The following ZNF764 variants were observed in gnomAD, a reference collection of about 807,000 sequenced individuals.
ZNF764 encodes the protein zinc finger protein 764.
ZNF764 carries 10 observed loss-of-function variants against 13.9 expected under a neutral mutation model. That is an observed-to-expected ratio of 0.72 (90% confidence interval 0.44 to 1.22). The LOEUF (loss-of-function observed/expected upper bound fraction) is 1.22, where lower values mean the gene tolerates loss of function less well. Ranked by LOEUF, ZNF764 falls within the 50% of genes most tolerant of loss-of-function variation. The probability of loss-of-function intolerance (pLI) is 0.00; values close to 1 mark genes in which losing one functional copy is unlikely to be tolerated. For missense variants in ZNF764, 647 were observed against 589.7 expected (o/e 1.10, Z -1.01); for synonymous variants, 313 against 255.1 (o/e 1.23, Z -2.16).
Position 30,555,350 on chromosome 16 carries a change from G to T in ZNF764, c.1068C>A (p.Ala356=), listed in dbSNP as rs555129267. ...QCGRRFGQKS[A]VAKHQWVHRP... ...GATGAACCCACTGGTGTTTGGCCAC[G>T]GCTGACTTCTGGCCAAAGCGGCGGC... Residue 356 remains alanine, a synonymous_variant, in exon 3 of 3, where the codon GCC becomes GCA. Coordinates refer to ENST00000395091, the MANE Select transcript of ZNF764 (RefSeq NM_001172679.2). The T allele has an allele frequency of 4.4e-6, 7 of 1,605,976 alleles. No individual in the cohort carries two copies. In the South Asian group the frequency reaches 5.5e-5, roughly 13 times the overall value.
In ZNF764 at chr16:30,554,972, A is replaced by C; in HGVS notation, c.*222T>G. ...CCTTATGTAGGTCTGGGGGTTCTCA[A>C]CTCAGCCCTGCCTCAGTAGAGGGGG... On this transcript the variant is annotated 3_prime_UTR_variant, in exon 3 of 3. Transcript: ENST00000395091. The C allele has an allele frequency of 1.8e-6, 1 of 550,752 alleles. No individual in the cohort carries two copies. The highest frequency in any genetic ancestry group is 2.8e-5 in the South Asian group (1 of 35,714). 34.1% of individuals were successfully genotyped at this position (550,752 alleles called of 1,614,324 possible).
Position 30,555,038 on chromosome 16 carries a change from G to C in ZNF764, c.*156C>G, listed in dbSNP as rs2051535827. 1 of 856,172 alleles carries C rather than the reference G, an allele frequency of 1.2e-6. No individual in the cohort carries two copies. Among genetic ancestry groups the C allele is most frequent in the Non-Finnish European group, 1.7e-6 (1 of 574,666 alleles). 53.0% of individuals were successfully genotyped at this position (856,172 alleles called of 1,614,324 possible). On this transcript the variant is annotated 3_prime_UTR_variant, in exon 3 of 3. Transcript: ENST00000395091. ...GGCAGTGGGGAGCAAGGTGCTGGCA[G>C]AGGAGGCTGCTAAGGGCCCAAGATC... is the stretch of plus-strand genomic sequence containing the variant.
In ZNF764 at chr16:30,554,033, G is replaced by A. The variant is rs1435616684; in HGVS notation, c.*1161C>T. 6.6e-6 allele frequency: 1 copy of A among 152,212 alleles called. No individual in the cohort carries two copies. The highest frequency in any genetic ancestry group is 1.9e-4 in the East Asian group (1 of 5,194). The allele number at this position is 152,212 out of a possible 1,614,324, so 9.4% of individuals were successfully genotyped here. A position where few individuals can be genotyped will look rare whatever the true frequency, so the allele number is the denominator to read the frequency against. On this transcript the variant is annotated 3_prime_UTR_variant, in exon 3 of 3. Coordinates refer to ENST00000395091, the MANE Select transcript of ZNF764 (RefSeq NM_001172679.2). ...TGAATGGCACGTGGTGCTTGGTCAG[G>A]AGCCCACGGGAGTGGTGGGGATGGG...
intron 2 of ZNF764, 134 bp downstream of exon 2, chr16:30,557,599 C>G (rs1476968992): frequency 7.5e-7 from 1 of 1,333,728 alleles, no homozygotes; most frequent in Non-Finnish European, 1.0e-6. Flanking sequence ...CACGCAGGGG[C>G]TCAGCCTCGT....
Position 30,558,304 on chromosome 16 carries a change from G to A in ZNF764, c.-122C>T, listed in dbSNP as rs2051576531. 8.7e-7 allele frequency: 1 copy of A among 1,153,012 alleles called. No homozygotes were observed. Among genetic ancestry groups the A allele is most frequent in the Non-Finnish European group, 1.2e-6 (1 of 842,196 alleles). The allele number at this position is 1,153,012 out of a possible 1,614,324, so 71.4% of individuals were successfully genotyped here. On this transcript the variant is annotated 5_prime_UTR_variant, in exon 1 of 3. Coordinates refer to ENST00000395091, the MANE Select transcript of ZNF764 (RefSeq NM_001172679.2). ...CCCAAGGGAAGGAGGGAGGTTACTA[G>A]GGCCCCCGAGGGCGCACTAGAGGGC... is the stretch of plus-strand genomic sequence containing the variant.
In ZNF764 at chr16:30,558,317, C is replaced by T. The variant is rs774144290; in HGVS notation, c.-135G>A. 22 of 1,034,794 alleles carry T rather than the reference C, an allele frequency of 2.1e-5. No individual in the cohort carries two copies. In the African/African-American group the frequency reaches 3.6e-4, roughly 17 times the overall value. 64.1% of individuals were successfully genotyped at this position (1,034,794 alleles called of 1,614,324 possible). On this transcript the variant is annotated 5_prime_UTR_variant, in exon 1 of 3. Coordinates refer to ENST00000395091, the MANE Select transcript of ZNF764 (RefSeq NM_001172679.2). ...GGGAGGTTACTAGGGCCCCCGAGGG[C>T]GCACTAGAGGGCGTGGAAACTAACG...
Position 30,555,133 on chromosome 16 carries a change from T to A in ZNF764, c.*61A>T, listed in dbSNP as rs1211180023. ...ACCTCCCTGCAGGCCGCCGCAGAGG[T>A]TCGGGCCCCTGAGCCCATCTCGGGC... On this transcript the variant is annotated 3_prime_UTR_variant, in exon 3 of 3. Coordinates refer to ENST00000395091, the MANE Select transcript of ZNF764 (RefSeq NM_001172679.2). 12 of 1,527,826 alleles carry A rather than the reference T, an allele frequency of 7.9e-6. No homozygotes were observed. Among genetic ancestry groups the A allele is most frequent in the Non-Finnish European group, 9.7e-6 (11 of 1,137,514 alleles). 94.6% of individuals were successfully genotyped at this position (1,527,826 alleles called of 1,614,324 possible). A position where few individuals can be genotyped will look rare whatever the true frequency, so the allele number is the denominator to read the frequency against.
rs764736311 is a variant in ZNF764 at position 30,557,804 on chromosome 16, T to C, written c.239A>G (p.Glu80Gly). 3.7e-6 allele frequency: 6 copies of C among 1,612,522 alleles called. No homozygotes were observed. Among genetic ancestry groups the C allele is most frequent in the Admixed American group, 3.3e-5 (2 of 59,868 alleles). ...AGCCGGACCCCACAGTTCGGCCTCC[T>C]CCTCCACCCAGGAGATGAGAGCTGG... Reference protein sequence around the residue: ...NKPALISWVEEEAELWGPAAQ... With the variant: ...NKPALISWVEGEAELWGPAAQ... The change falls in exon 2 of 3, where the codon GAG (glutamate) becomes GGG (glycine). Residue 80 changes from glutamate to glycine, a missense_variant. Transcript: ENST00000395091.
rs1390276620 is a variant in ZNF764, at chr16:30,554,798, T to C, written c.*396A>G. The C allele has an allele frequency of 1.2e-5, 2 of 168,594 alleles. No homozygotes were observed. Among genetic ancestry groups the C allele is most frequent in the African/African-American group, 2.4e-5 (1 of 41,938 alleles). 10.4% of individuals were successfully genotyped at this position (168,594 alleles called of 1,614,324 possible). A position where few individuals can be genotyped will look rare whatever the true frequency, so the allele number is the denominator to read the frequency against. ...GCTGTCTCAGAAATAAATAAATAAA[T>C]AAATAAAAAGACAATGAGTATTGTG... is the stretch of plus-strand genomic sequence containing the variant. On this transcript the variant is annotated 3_prime_UTR_variant, in exon 3 of 3. Coordinates refer to ENST00000395091, the MANE Select transcript of ZNF764 (RefSeq NM_001172679.2).
intron 2 of ZNF764, among the ~76,000 whole-genome samples, chr16:30,556,911 C>T (rs1271051141): frequency 1.3e-5 from 2 of 151,966 alleles, no homozygotes; most frequent in South Asian, 2.1e-4. Context: ...CCGAGGCGGG[C>T]AGATCACAAA....
At chr16:30,557,542 G>A (rs2051566933) in intron 2 of ZNF764, among the ~76,000 whole-genome samples, 191 bp downstream of exon 2, 1 of 152,166 alleles carries the variant, frequency 6.6e-6, no homozygotes. Flanking sequence ...GGGTATGGCA[G>A]GGCCAGAGCC....
intron 2 of ZNF764, among the ~76,000 whole-genome samples, chr16:30,556,814 G>A (rs1195950447): frequency 4.6e-5 from 7 of 152,044 alleles, no homozygotes; most frequent in Non-Finnish European, 8.8e-5. Context: ...CAGCCTGGGC[G>A]ACATAGTGAA....
intron 2 of ZNF764, 34 bp from the exon 3 acceptor site, chr16:30,556,141 C>T (rs370974156): frequency 8.1e-6 from 13 of 1,606,264 alleles, no homozygotes; most frequent in African/African-American, 6.7e-5. Flanking sequence ...AGTTCAGGCT[C>T]GGCTCATCCT....
intron 2 of ZNF764, among the ~76,000 whole-genome samples, chr16:30,556,771 C>A (rs2051559654): frequency 6.6e-6 from 1 of 152,080 alleles, no homozygotes; most frequent in African/African-American, 2.4e-5. Context: ...AAGGCCGAAG[C>A]AGGCGAATCG....
chr16:30,557,247 A>T (rs2051564747), intron 2 of ZNF764, among the ~76,000 whole-genome samples: 2 of 152,022 alleles, frequency 1.3e-5, no homozygotes, highest in African/African-American at 4.8e-5. Context: ...GGGAGGTTGC[A>T]GTGAACTGAG....
intron 2 of ZNF764, among the ~76,000 whole-genome samples, chr16:30,557,518 G>T (rs1350429536): frequency 6.6e-6 from 1 of 152,208 alleles, no homozygotes; most frequent in East Asian, 1.9e-4. Context: ...ACGCAGAGGT[G>T]AGGACTCAGA....
Position 30,555,206 on chromosome 16 carries a change from C to T in ZNF764, c.1212G>A (p.Gln404=), listed in dbSNP as rs772020922. Residue 404 remains glutamine (Q), a synonymous_variant, in exon 3 of 3, where the codon CAG becomes CAA. Transcript: ENST00000395091. ...VGFQLYPEIF[Q]ECG Reference sequence around the variant, plus strand: ...ACTTTTAAGGCCGTCACCCACACTCCTGGAATATCTCCGGGTACAGCTGGA... The same window carrying T: ...ACTTTTAAGGCCGTCACCCACACTCTTGGAATATCTCCGGGTACAGCTGGA... 3 of 1,609,876 alleles carry T rather than the reference C, an allele frequency of 1.9e-6. No homozygotes were observed. Among genetic ancestry groups the T allele is most frequent in the Non-Finnish European group, 2.5e-6 (3 of 1,178,044 alleles).
At position 30,557,831 on chromosome 16, in the gene ZNF764, TTG is replaced by T; in HGVS notation, c.210_211del (p.Asn70LysfsTer101). 2 of 1,608,880 alleles carry T rather than the reference TTG, an allele frequency of 1.2e-6. No individual in the cohort carries two copies. Among genetic ancestry groups the T allele is most frequent in the South Asian group, 2.2e-5 (2 of 90,192 alleles). Reference sequence around the variant, plus strand: ...CTCCACCCAGGAGATGAGAGCTGGCTTGTTGCCTCCGATTCCTAGGGAAGAAG... The same window carrying T: ...CTCCACCCAGGAGATGAGAGCTGGCTTTGCCTCCGATTCCTAGGGAAGAAG... On this transcript the variant is annotated frameshift_variant, in exon 2 of 3. Transcript: ENST00000395091. LOFTEE classifies it high-confidence loss of function.
In ZNF764 at chr16:30,555,346, C is replaced by A. The variant is rs766688822; in HGVS notation, c.1072G>T (p.Ala358Ser). The change falls in exon 3 of 3, where the codon GCC becomes TCC. Residue 358 changes from alanine to serine, a missense_variant. Physicochemically the swap from Ala to Ser is moderately conservative, Grantham distance 99 (BLOSUM62 1). Transcript: ENST00000395091. ...GRRFGQKSAV[A>S]KHQWVHRPGA... ...GGCCGATGAACCCACTGGTGTTTGGCCACGGCTGACTTCTGGCCAAAGCGG... is the reference window on the plus strand; with the variant it reads ...GGCCGATGAACCCACTGGTGTTTGGACACGGCTGACTTCTGGCCAAAGCGG... The A allele has an allele frequency of 1.2e-6, 2 of 1,606,136 alleles. No individual in the cohort carries two copies. Among genetic ancestry groups the A allele is most frequent in the Admixed American group, 3.4e-5 (2 of 58,910 alleles).
Sources: allele counts gnomAD v4.1 joint callset (sites outside exome capture counted in the v4.1 genomes callset), GRCh38; gene constraint gnomAD v4.1.1; transcripts MANE v1.5; gene names NCBI Gene and HGNC (gene_info 2026-07-23, HGNC 2026-07-21).